Variants in TARS2 observed in about 807,000 individuals in gnomAD.
TARS2 encodes threonyl-tRNA synthetase 2, mitochondrial.
A neutral mutation model predicts 94.4 loss-of-function variants in TARS2; 61 were observed. That is an observed-to-expected ratio of 0.65 (90% CI 0.53 to 0.80). The LOEUF (loss-of-function observed/expected upper bound fraction) is 0.80. TARS2 is among the 30% of genes least tolerant of loss of function. TARS2 has a pLI of 0.00. For missense variants in TARS2, 704 were observed against 902.5 expected, an observed-to-expected ratio of 0.78 and a Z score of 2.82; for synonymous variants, 359 against 353.4, an observed-to-expected ratio of 1.02 and a Z score of -0.18.
rs587763763 is a variant in TARS2, at chr1:150,503,615, A to G, written c.1618-720A>G. Among the ~76,000 whole-genome samples the G allele has an allele frequency of 1.9e-4, 24 of 125,132 alleles. No individual in the cohort carries two copies. In the South Asian group the frequency reaches 3.9e-3, roughly 20 times the overall value. The allele number at this position is 125,132 out of a possible 152,430, so 82.1% of individuals were successfully genotyped here. ...TGTGTGTGTGTGTATGTGTGTATAT[A>G]TATGTGTGTGTATATATGTGTGTGT... is the stretch of plus-strand genomic sequence containing the variant. On this transcript the variant is annotated intron_variant, in intron 13 of 17. Transcript: ENST00000369064.
In TARS2 at chr1:150,497,735, G is replaced by T; in HGVS notation, c.1226G>T (p.Cys409Phe). 6.2e-7 allele frequency: 1 copy of T among 1,613,896 alleles called. No homozygotes were observed. Reference protein sequence around the residue: ...TDTLALKPMNCPAHCLMFAHR... With the variant: ...TDTLALKPMNFPAHCLMFAHR... ...ACACTCGCCCTCAAGCCTATGAACT[G>T]CCCTGCACACTGGTAAGCTGGGAGC... Residue 409 changes from cysteine (C) to phenylalanine (F), a missense_variant, in exon 10 of 18, where the codon TGC becomes TTC. By Grantham distance (205) the Cys-to-Phe change is radical (BLOSUM62 -2). Around this residue, in one of 3 missense-constraint regions of TARS2, gnomAD observed 466 missense variants for 609.5 expected, o/e 0.76. Transcript: ENST00000369064.
At position 150,507,035 on chromosome 1, in the gene TARS2, AGG is replaced by A; in HGVS notation, c.2130_2131del (p.Arg710SerfsTer14). On this transcript the variant is annotated frameshift_variant, in exon 18 of 18. Transcript: ENST00000369064. LOFTEE classifies it high-confidence loss of function. The stretch of plus-strand genomic sequence containing the variant: ...GCGACTGGTGGAGCTACAGAACACG[AGG>A]GTCCCAAATGCCGAAGAAATTTTCT... ...VQRLVELQNT[R>X]VPNAEEIF 2 of 1,614,126 alleles carry A rather than the reference AGG, an allele frequency of 1.2e-6. No individual in the cohort carries two copies. Among genetic ancestry groups the A allele is most frequent in the Non-Finnish European group, 1.7e-6 (2 of 1,180,024 alleles).
At chr1:150,494,328 GC>G (rs1669544529) in intron 7 of TARS2, among the ~76,000 whole-genome samples, 1 of 142,692 alleles carries the variant, frequency 7.0e-6, no homozygotes. Context: ...CTGAGATTGT[GC>G]CACTGCATTC....
intron 9 of TARS2, among the ~76,000 whole-genome samples, 158 bp downstream of exon 9, chr1:150,497,066 T>A (rs945615093): frequency 6.6e-6 from 1 of 152,108 alleles, no homozygotes; most frequent in Non-Finnish European, 1.5e-5. Context: ...GCAGATCACC[T>A]GAGGTCAGGA....
In TARS2 at chr1:150,487,873, C is replaced by T. The variant is rs1669218203; in HGVS notation, c.82C>T (p.Pro28Ser). 6.2e-7 allele frequency: 1 copy of T among 1,612,984 alleles called. No homozygotes were observed. The highest frequency in any genetic ancestry group is 8.5e-7 in the Non-Finnish European group (1 of 1,179,906). Residue 28 changes from proline (P) to serine (S), a missense_variant, in exon 2 of 18, where the codon CCT becomes TCT. Pro to Ser is a moderately conservative substitution (Grantham distance 74). Coordinates refer to ENST00000369064, the MANE Select transcript of TARS2 (RefSeq NM_025150.5). ...TTCCCTCCAGGCAGTTGTGTCGACC[C>T]CTCCACGCTGGTTGGCAGAGCGGCT... ...CRLHTAVVST[P>S]PRWLAERLGL... is the part of the protein sequence containing the mutation.
Position 150,498,658 on chromosome 1 carries a change from A to T in TARS2, c.1395A>T (p.Thr465=). ...QQDDAHIFCT[T]DQLEAEIQSC... The stretch of plus-strand genomic sequence containing the variant: ...ATGACGCTCACATCTTCTGTACAAC[A>T]GATCAGGTGGCCTTTCCCTGGCTCC... Residue 465 remains threonine (T), a synonymous_variant, in exon 11 of 18, where the codon ACA becomes ACT. Transcript: ENST00000369064. 6.2e-7 allele frequency: 1 copy of T among 1,613,472 alleles called. No homozygotes were observed. The highest frequency in any genetic ancestry group is 8.5e-7 in the Non-Finnish European group (1 of 1,179,814).
chr1:150,506,977 C>G lies in TARS2; in HGVS notation c.2070C>G (p.Arg690=), dbSNP rs779762979. The G allele has an allele frequency of 3.7e-6, 6 of 1,614,130 alleles. No individual in the cohort carries two copies. The highest frequency in any genetic ancestry group is 5.1e-6 in the Non-Finnish European group (6 of 1,180,030). Residue 690 remains arginine, a synonymous_variant, in exon 18 of 18, where the codon CGC becomes CGG. Transcript: ENST00000369064. ...TVNIRTRDNR[R]LGEWDLPEAV... The stretch of plus-strand genomic sequence containing the variant: ...ACATTCGGACTCGAGATAATCGTCG[C>G]CTTGGGGAGTGGGACTTGCCTGAGG...
intron 13 of TARS2, among the ~76,000 whole-genome samples, chr1:150,500,776 G>A (rs899447505): frequency 3.3e-5 from 5 of 151,068 alleles, no homozygotes; most frequent in Non-Finnish European, 7.4e-5. Context: ...GTGAGCCGAG[G>A]TCGCACCACT....
At chr1:150,490,005 C>T (rs1043949809) in intron 3 of TARS2, among the ~76,000 whole-genome samples, 1 of 151,894 alleles carries the variant, frequency 6.6e-6, no homozygotes, top group Non-Finnish European at 1.5e-5. Context: ...GACTGGCCTC[C>T]AGCTTCTATG....
At chr1:150,505,043 G>A (rs1670139712) in intron 16 of TARS2, 65 bp downstream of exon 16, 1 of 1,551,948 alleles carries the variant, frequency 6.4e-7, no homozygotes, top group African/African-American at 1.4e-5. Context: ...GCCCTGCAGT[G>A]GGCAGGAAGA....
In TARS2 at chr1:150,497,681, G is replaced by A. The variant is rs1188932815; in HGVS notation, c.1172G>A (p.Ser391Asn). The change falls in exon 10 of 18, where the codon AGT becomes AAT. Residue 391 changes from serine (S) to asparagine (N), a missense_variant. By Grantham distance (46) the Ser-to-Asn change is conservative. Coordinates refer to ENST00000369064, the MANE Select transcript of TARS2 (RefSeq NM_025150.5). ...PGSDRPPSSQ[S>N]DDSTRHITDT... ...TCTGACAGGCCTCCCAGCTCCCAGA[G>A]TGACGATTCTACCAGGCATATCACA... 7 of 1,614,072 alleles carry A rather than the reference G, an allele frequency of 4.3e-6. No individual in the cohort carries two copies. Among genetic ancestry groups the A allele is most frequent in the Non-Finnish European group, 4.2e-6 (5 of 1,180,046 alleles).
At chr1:150,499,132 TG>T in intron 12 of TARS2, 83 bp from the exon 13 acceptor site, 1 of 1,608,988 alleles carries the variant, frequency 6.2e-7, no homozygotes, top group Non-Finnish European at 8.5e-7. Context: ...ATCTGGTGAG[TG>T]GGTCATTTGT....
chr1:150,498,468 C>T, intron 10 of TARS2, 34 bp from the exon 11 acceptor site: 3 of 1,532,514 alleles, frequency 2.0e-6, no homozygotes, highest in Non-Finnish European at 2.6e-6. Flanking sequence ...CTAGTCCTCC[C>T]TATGGCCCTG....
rs201680083 is a variant in TARS2 at position 150,496,618 on chromosome 1, G to T, written c.911G>T (p.Arg304Leu). 3.1e-6 allele frequency: 5 copies of T among 1,613,302 alleles called. No individual in the cohort carries two copies. In the South Asian group the frequency reaches 3.3e-5, roughly 11 times the overall value. The change falls in exon 8 of 18, where the codon CGC becomes CTC. Residue 304 changes from arginine (R) to leucine (L), a missense_variant. Physicochemically the swap from Arg to Leu is moderately radical, Grantham distance 102. This residue lies in a region of TARS2 where 466 missense variants were observed against 609.5 expected (regional missense o/e 0.76). Coordinates refer to ENST00000369064, the MANE Select transcript of TARS2 (RefSeq NM_025150.5). ...REEAELRDHR[R>L]IGKEQELFFF... ...GAAGCAGAATTGCGGGACCACCGGC[G>T]CATTGGGAAGGTACAGGAATTGGGA...
rs778053593 is a variant in TARS2 at position 150,504,768 on chromosome 1, C to T, written c.1820+35C>T. 1.7e-5 allele frequency: 27 copies of T among 1,612,472 alleles called. No homozygotes were observed. In the South Asian group the frequency reaches 2.6e-4, roughly 16 times the overall value. ...CTGACCTGGATTTCTGTTCTGGCCC[C>T]AAACCGGATAGTTATGCTCCAGATC... On this transcript the variant is annotated intron_variant, in intron 15 of 17. Transcript: ENST00000369064.
In TARS2 at chr1:150,506,666, AC is replaced by A. The variant is rs1392441890; in HGVS notation, c.2009-247del. On this transcript the variant is annotated intron_variant, in intron 17 of 17. Coordinates refer to ENST00000369064, the MANE Select transcript of TARS2 (RefSeq NM_025150.5). Reference sequence around the variant, plus strand: ...TCTCTGCTTGACTCTTATGTCTCTGACCCTGGGGCTCTTGACCAGAAGCGAT... The same window carrying A: ...TCTCTGCTTGACTCTTATGTCTCTGACCTGGGGCTCTTGACCAGAAGCGAT... Among the ~76,000 whole-genome samples the A allele has an allele frequency of 2.0e-5, 3 of 150,946 alleles. No homozygotes were observed. In the East Asian group the frequency reaches 5.9e-4, roughly 30 times the overall value.
Position 150,498,523 on chromosome 1 carries a change from C to T in TARS2, c.1260C>T (p.Pro420=), listed in dbSNP as rs775282272. Residue 420 remains proline (P), a synonymous_variant, in exon 11 of 18, where the codon CCC becomes CCT. Coordinates refer to ENST00000369064, the MANE Select transcript of TARS2 (RefSeq NM_025150.5). ...TCAGCCTGATGTTCGCCCACCGGCC[C>T]AGATCCTGGCGGGAACTGCCCCTGC... The part of the protein sequence containing the change: ...PAHCLMFAHR[P]RSWRELPLRL... 2.7e-5 allele frequency: 43 copies of T among 1,592,176 alleles called. No individual in the cohort carries two copies. The South Asian group carries it at 3.9e-4, about 14-fold the overall frequency.
chr1:150,498,025 G>A (rs1248917147), intron 10 of TARS2, among the ~76,000 whole-genome samples: 1 of 151,288 alleles, frequency 6.6e-6, no homozygotes, highest in Non-Finnish European at 1.5e-5. Flanking sequence ...CCCAGGAGGT[G>A]GAGCTTGCAG....
intron 7 of TARS2, 148 bp from the exon 8 acceptor site, chr1:150,496,334 T>C: frequency 7.9e-6 from 7 of 881,310 alleles, no homozygotes; most frequent in Non-Finnish European, 1.2e-5. Flanking sequence ...GAATGGTGTC[T>C]AGAGGATGGA....
Sources: allele counts gnomAD v4.1 joint callset (sites outside exome capture counted in the v4.1 genomes callset), GRCh38; gene constraint gnomAD v4.1.1; regional missense constraint gnomAD v4.1.1; transcripts MANE v1.5; gene names NCBI Gene and HGNC (gene_info 2026-07-23, HGNC 2026-07-21).